Variants in KCNH7 observed in about 807,000 individuals in gnomAD.
KCNH7 encodes potassium voltage-gated channel subfamily H member 7, also known as voltage-gated inwardly rectifying potassium channel KCNH7.
In KCNH7, 49 loss-of-function variants were observed where a neutral mutation model predicts 120.8. That is an observed-to-expected ratio of 0.41 (90% CI 0.32 to 0.51). The LOEUF (loss-of-function observed/expected upper bound fraction) is 0.51. Ranked by LOEUF, KCNH7 falls within the 20% of genes least tolerant of loss-of-function variation. The pLI, the probability that KCNH7 is intolerant of heterozygous loss-of-function variation, is 0.38. For missense variants in KCNH7, 1,097 were observed against 1,446.6 expected (o/e 0.76, Z 3.92); for synonymous variants, 547 against 516.1 (o/e 1.06, Z -0.81).
chr2:162,660,413 T>C (rs1170731739), intron 2 of KCNH7, among the ~76,000 whole-genome samples: 1 of 152,268 alleles, frequency 6.6e-6, no homozygotes. Flanking sequence ...TACTTGAGGA[T>C]CTTTCAGTTA....
intron 7 of KCNH7, among the ~76,000 whole-genome samples, chr2:162,440,642 A>G (rs1019386285): frequency 2.0e-5 from 3 of 152,082 alleles, no homozygotes; most frequent in African/African-American, 7.2e-5. Flanking sequence ...CCTAGATTGT[A>G]ATTTATTTAT....
At position 162,394,289 on chromosome 2, in the gene KCNH7, G is replaced by A. The variant is rs935211917; in HGVS notation, c.2710+100C>T. Reference sequence around the variant, plus strand: ...AAGGATCTGCCCTCCTAAAGCCTGAGTAAAATATACTCTTGAAGTCAGAAG... The same window carrying A: ...AAGGATCTGCCCTCCTAAAGCCTGAATAAAATATACTCTTGAAGTCAGAAG... On this transcript the variant is annotated intron_variant, in intron 12 of 15. Coordinates refer to ENST00000332142, the MANE Select transcript of KCNH7 (RefSeq NM_033272.4). The A allele has an allele frequency of 2.9e-5, 22 of 754,376 alleles. 1 individual carries two copies. Among genetic ancestry groups the A allele is most frequent in the South Asian group, 1.4e-4 (9 of 66,422 alleles). The allele number at this position is 754,376 out of a possible 1,614,324, so 46.7% of individuals were successfully genotyped here. A position where few individuals can be genotyped will look rare whatever the true frequency, so the allele number is the denominator to read the frequency against.
At chr2:162,740,545 A>C (rs1436718014) in intron 2 of KCNH7, among the ~76,000 whole-genome samples, 1 of 152,244 alleles carries the variant, frequency 6.6e-6, no homozygotes, top group Admixed American at 6.5e-5. Flanking sequence ...ATCGAATTAA[A>C]GAGAAAGGCA....
chr2:162,634,071 G>A (rs747257113), intron 2 of KCNH7, among the ~76,000 whole-genome samples: 1 of 151,938 alleles, frequency 6.6e-6, no homozygotes, highest in Non-Finnish European at 1.5e-5. Flanking sequence ...GGAAATTAAT[G>A]TTACTATAGT....
chr2:162,511,699 A>C (rs895756561), intron 5 of KCNH7, among the ~76,000 whole-genome samples: 2 of 151,666 alleles, frequency 1.3e-5, no homozygotes, highest in African/African-American at 4.8e-5. Context: ...ACCAGCTCTG[A>C]ATTATTTTAG....
rs567410011 is a variant in KCNH7, at chr2:162,812,054, A to G, written c.307+24483T>C. On this transcript the variant is annotated intron_variant, in intron 2 of 15. Coordinates refer to ENST00000332142, the MANE Select transcript of KCNH7 (RefSeq NM_033272.4). ...TGTTTAAATTATGTGAGTGTACAGC[A>G]CACGTGTGTGTGTGTGAGCACATGT... Among the ~76,000 whole-genome samples the G allele has an allele frequency of 5.7e-4, 87 of 152,286 alleles. 1 individual carries two copies. The highest frequency in any genetic ancestry group is 9.3e-4 in the Non-Finnish European group (63 of 67,994).
chr2:162,413,687 G>T (rs10169373), intron 9 of KCNH7, among the ~76,000 whole-genome samples: 21,830 of 151,800 alleles, frequency 0.14, 4,185 homozygotes, highest in African/African-American at 0.43. Context: ...TTTAGGAAAT[G>T]ACTCATATAT....
intron 2 of KCNH7, among the ~76,000 whole-genome samples, chr2:162,630,762 A>C (rs998499132): frequency 6.6e-6 from 1 of 152,108 alleles, no homozygotes; most frequent in African/African-American, 2.4e-5. Flanking sequence ...TCAGCCAGGG[A>C]AAATAGCACC....
intron 2 of KCNH7, among the ~76,000 whole-genome samples, chr2:162,629,281 G>C (rs570407886): frequency 1.3e-5 from 2 of 152,058 alleles, no homozygotes; most frequent in Admixed American, 6.6e-5. Context: ...AGAGAATTGC[G>C]TAACAGAGCC....
At chr2:162,397,090 C>G (rs1686935036) in intron 10 of KCNH7, 145 bp from the exon 11 acceptor site, 1 of 622,050 alleles carries the variant, frequency 1.6e-6, no homozygotes. Flanking sequence ...AACTAAATGC[C>G]CATACCATGT....
intron 2 of KCNH7, among the ~76,000 whole-genome samples, chr2:162,828,037 C>T (rs1023751932): frequency 6.6e-6 from 1 of 151,938 alleles, no homozygotes; most frequent in Non-Finnish European, 1.5e-5. Flanking sequence ...AAATGTACGG[C>T]TAAAGATCAA....
At chr2:162,734,719 C>T (rs1405903827) in intron 2 of KCNH7, among the ~76,000 whole-genome samples, 1 of 151,752 alleles carries the variant, frequency 6.6e-6, no homozygotes, top group Non-Finnish European at 1.5e-5. Context: ...ATTTCAAAAC[C>T]ATGGCTTTAA....
intron 2 of KCNH7, among the ~76,000 whole-genome samples, chr2:162,659,273 T>C (rs1030085963): frequency 6.6e-6 from 1 of 152,192 alleles, no homozygotes; most frequent in Non-Finnish European, 1.5e-5. Context: ...CATTAATTGA[T>C]TTTCAAATGT....
intron 2 of KCNH7, among the ~76,000 whole-genome samples, chr2:162,559,248 GT>G (rs1481471261): frequency 6.6e-6 from 1 of 151,946 alleles, no homozygotes. Context: ...AGGCCAGAGA[GT>G]TTGAGAAACT....
chr2:162,738,045 C>T (rs547719812), intron 2 of KCNH7, among the ~76,000 whole-genome samples: 3 of 116,194 alleles, frequency 2.6e-5, no homozygotes, highest in South Asian at 5.3e-4. Context: ...GCCTGGGCGG[C>T]AGAGAGAGGA....
intron 9 of KCNH7, among the ~76,000 whole-genome samples, chr2:162,407,971 A>T (rs1331605972): frequency 1.3e-5 from 2 of 152,016 alleles, no homozygotes; most frequent in Admixed American, 6.6e-5. Flanking sequence ...TTAGCATCAA[A>T]TTTTTTATTG....
intron 2 of KCNH7, among the ~76,000 whole-genome samples, chr2:162,614,196 C>G (rs1172313351): frequency 6.6e-6 from 1 of 151,938 alleles, no homozygotes; most frequent in African/African-American, 2.4e-5. Flanking sequence ...GCCTAATCTA[C>G]TACAAAACCA....
chr2:162,417,862 T>A (rs563845552), intron 9 of KCNH7, among the ~76,000 whole-genome samples: 1 of 152,298 alleles, frequency 6.6e-6, no homozygotes, highest in Admixed American at 6.5e-5. Context: ...ATTGTTCATG[T>A]CAGCGGGCTC....
At chr2:162,496,278 G>A (rs1178496344) in intron 6 of KCNH7, among the ~76,000 whole-genome samples, 1 of 152,114 alleles carries the variant, frequency 6.6e-6, no homozygotes, top group Non-Finnish European at 1.5e-5. Flanking sequence ...AGACAGTAAG[G>A]AAAGGTCCCC....
Sources: gnomAD v4.1 joint callset for allele counts (sites outside exome capture counted in the v4.1 genomes callset) on GRCh38, gnomAD v4.1.1 for gene constraint, MANE v1.5 for transcripts, NCBI Gene and HGNC (gene_info 2026-07-23, HGNC 2026-07-21) for gene names.